Variants in INTU observed in about 807,000 individuals in gnomAD.
INTU encodes the protein protein inturned.
A neutral mutation model predicts 100.5 loss-of-function variants in INTU; 68 were observed. That is an observed-to-expected ratio of 0.68 (90% confidence interval 0.56 to 0.83). The LOEUF (loss-of-function observed/expected upper bound fraction) is 0.83, where lower values mean the gene tolerates loss of function less well. Among genes scored for constraint, INTU ranks in the 40% least tolerant of loss-of-function variants. The pLI is 0.00. For synonymous variants in INTU, 357 were observed against 395.7 expected (o/e 0.90, Z 1.16); for missense variants, 1,071 against 1,114.7 (o/e 0.96, Z 0.56).
rs1731344930 is a variant in INTU at position 127,721,506 on chromosome 4, T to C, written c.*5070T>C. On this transcript the variant is annotated 3_prime_UTR_variant, in exon 16 of 16. Transcript: ENST00000335251. ...GTTCTCTGGATTTCCTGAATTTGAA[T>C]GTTGGCCTGTCTTGCTAGGTTGGGG... 1 of 152,198 alleles carries C rather than the reference T, an allele frequency of 6.6e-6. No homozygotes were observed. The highest frequency in any genetic ancestry group is 2.4e-5 in the African/African-American group (1 of 41,452). The allele number at this position is 152,198 out of a possible 1,614,324, so 9.4% of individuals were successfully genotyped here. A position where few individuals can be genotyped will look rare whatever the true frequency, so the allele number is the denominator to read the frequency against.
chr4:127,677,488 CAG>C (rs1341952116), intron 6 of INTU, among the ~76,000 whole-genome samples: 4 of 150,916 alleles, frequency 2.7e-5, no homozygotes, highest in Admixed American at 6.5e-5. Flanking sequence ...CCCAGGCAAA[CAG>C]GGTCTGGAGT....
chr4:127,676,316 T>C (rs1363008930), intron 6 of INTU, among the ~76,000 whole-genome samples: 1 of 152,148 alleles, frequency 6.6e-6, no homozygotes, highest in Non-Finnish European at 1.5e-5. Flanking sequence ...AGCCAGGCAG[T>C]GGCTCACACC....
At chr4:127,712,334 C>A (rs1731123473) in intron 14 of INTU, among the ~76,000 whole-genome samples, 1 of 152,060 alleles carries the variant, frequency 6.6e-6, no homozygotes, top group Non-Finnish European at 1.5e-5. Flanking sequence ...CCCTATATTC[C>A]TGTATGCTTT....
At chr4:127,694,203 A>G (rs1418718323) in intron 8 of INTU, among the ~76,000 whole-genome samples, 1 of 151,276 alleles carries the variant, frequency 6.6e-6, no homozygotes, top group African/African-American at 2.4e-5. Context: ...CTGGTCCTGG[A>G]CTTTTTTTGT....
chr4:127,679,730 A>G (rs1458175183), intron 6 of INTU, among the ~76,000 whole-genome samples: 3 of 152,014 alleles, frequency 2.0e-5, no homozygotes, highest in African/African-American at 7.2e-5. Flanking sequence ...AAAAGCTAGC[A>G]GAAGGCAAGA....
intron 13 of INTU, among the ~76,000 whole-genome samples, chr4:127,709,221 C>T (rs1731002816): frequency 6.6e-6 from 1 of 152,188 alleles, no homozygotes; most frequent in African/African-American, 2.4e-5. Flanking sequence ...AAATTGAAGA[C>T]AACTCTGAAA....
At chr4:127,676,975 G>A (rs527815577) in intron 6 of INTU, among the ~76,000 whole-genome samples, 14 of 152,270 alleles carry the variant, frequency 9.2e-5, no homozygotes, top group Admixed American at 3.9e-4. Flanking sequence ...AGGGTCCTAC[G>A]CCCACGGAGT....
At chr4:127,638,695 G>T (rs1228273167) in intron 1 of INTU, among the ~76,000 whole-genome samples, 1 of 152,010 alleles carries the variant, frequency 6.6e-6, no homozygotes, top group African/African-American at 2.4e-5. Flanking sequence ...TGGGAAGAAG[G>T]GCTCTACTCC....
At chr4:127,651,992 G>A (rs1472272752) in intron 2 of INTU, among the ~76,000 whole-genome samples, 16 of 148,042 alleles carry the variant, frequency 1.1e-4, no homozygotes, top group African/African-American at 3.8e-4. Flanking sequence ...TTGTGAATGG[G>A]AGTTCACTCA....
chr4:127,656,082 T>C (rs1330363552), intron 2 of INTU, among the ~76,000 whole-genome samples: 1 of 152,292 alleles, frequency 6.6e-6, no homozygotes, highest in South Asian at 2.1e-4. Flanking sequence ...TGCTTTGGCT[T>C]GCACACGGTG....
At chr4:127,668,667 C>T (rs1054911135) in intron 4 of INTU, among the ~76,000 whole-genome samples, 7 of 150,736 alleles carry the variant, frequency 4.6e-5, no homozygotes, top group South Asian at 2.1e-4. Flanking sequence ...CCACAGGGGA[C>T]GAGAATAACT....
intron 6 of INTU, among the ~76,000 whole-genome samples, chr4:127,682,296 C>T (rs1729606434): frequency 6.6e-6 from 1 of 152,024 alleles, no homozygotes. Context: ...TATAAAGACA[C>T]ATGCACACGT....
intron 7 of INTU, chr4:127,687,446 T>C (rs1578603750): frequency 3.6e-6 from 1 of 279,534 alleles, no homozygotes; most frequent in Non-Finnish European, 6.7e-6. Context: ...GGTTCTTCCA[T>C]AGAGCCATCT....
intron 1 of INTU, among the ~76,000 whole-genome samples, chr4:127,639,689 G>C (rs774152700): frequency 1.3e-5 from 2 of 152,034 alleles, no homozygotes; most frequent in Admixed American, 1.3e-4. Context: ...TGTTTCAATA[G>C]ACATATACAT....
intron 14 of INTU, among the ~76,000 whole-genome samples, chr4:127,712,227 C>A (rs1368544823): frequency 1.3e-5 from 2 of 152,138 alleles, no homozygotes; most frequent in African/African-American, 4.8e-5. Flanking sequence ...TGAATTACAT[C>A]ATCTCTCCAG....
rs139642714 is a variant in INTU at position 127,648,072 on chromosome 4, A to C, written c.682+4016A>C. 3.3e-5 allele frequency among the ~76,000 whole-genome samples: 5 copies of C among 152,302 alleles called. No individual in the cohort carries two copies. The East Asian group carries it at 9.6e-4, about 29-fold the overall frequency. On this transcript the variant is annotated intron_variant, in intron 2 of 15. Coordinates refer to ENST00000335251, the MANE Select transcript of INTU (RefSeq NM_015693.4). ...TTAAAATATTTTATTTGGTTCTTAA[A>C]TATATCTCTTAATAAAAATTTTCTC...
chr4:127,659,102 A>G (rs1031895767), intron 3 of INTU, among the ~76,000 whole-genome samples: 1 of 152,142 alleles, frequency 6.6e-6, no homozygotes, highest in Non-Finnish European at 1.5e-5. Flanking sequence ...AGCTCAGGCA[A>G]TAATGTGAGT....
At chr4:127,647,873 T>C (rs1727659555) in intron 2 of INTU, among the ~76,000 whole-genome samples, 1 of 152,162 alleles carries the variant, frequency 6.6e-6, no homozygotes, top group African/African-American at 2.4e-5. Flanking sequence ...TTATATATAG[T>C]ATAAACACAG....
intron 7 of INTU, chr4:127,685,760 T>G (rs1228521973): frequency 4.6e-6 from 1 of 216,474 alleles, no homozygotes; most frequent in Non-Finnish European, 9.4e-6. Context: ...TTATCAAAGA[T>G]TAAATTTTTG....
Sources: allele counts gnomAD v4.1 joint callset (sites outside exome capture counted in the v4.1 genomes callset), GRCh38; gene constraint gnomAD v4.1.1; transcripts MANE v1.5; gene names NCBI Gene and HGNC (gene_info 2026-07-23, HGNC 2026-07-21).